The following EPB41L1 variants were observed in gnomAD, a reference collection of about 807,000 sequenced individuals.
EPB41L1 encodes the protein erythrocyte membrane protein band 4.1 like 1, also known as band 4.1-like protein 1.
EPB41L1 carries 29 observed loss-of-function variants against 97.8 expected under a neutral mutation model. The ratio of observed to expected loss-of-function variants is 0.30; its 90% confidence interval spans 0.22 to 0.40. The LOEUF (loss-of-function observed/expected upper bound fraction) is 0.40, where lower values mean the gene tolerates loss of function less well. Ranked by LOEUF, EPB41L1 falls within the 10% of genes least tolerant of loss-of-function variation. The pLI, the probability that EPB41L1 is intolerant of heterozygous loss-of-function variation, is 1.00. For missense variants in EPB41L1, 812 were observed against 1,162.3 expected, an observed-to-expected ratio of 0.70 and a Z score of 4.38; for synonymous variants, 383 against 459.2, an observed-to-expected ratio of 0.83 and a Z score of 2.12.
chr20:36,229,286 CCCCCACT>C, intron 21 of EPB41L1, 39 bp from the exon 22 acceptor site: 5 of 1,193,504 alleles, frequency 4.2e-6, no homozygotes, highest in Non-Finnish European at 6.1e-6. Flanking sequence ...CCTTCCTTTC[CCCCCACT>C]CCCCACCCCC....
intron 5 of EPB41L1, 111 bp downstream of exon 5, chr20:36,178,783 G>A (rs1018447766): frequency 1.8e-5 from 21 of 1,198,786 alleles, no homozygotes; most frequent in South Asian, 2.4e-5. Context: ...CAGGCCAGGC[G>A]TTGTGGCTCA....
In EPB41L1 at chr20:36,190,906, A is replaced by T. The variant is rs2061919720; in HGVS notation, c.1300+109A>T. On this transcript the variant is annotated intron_variant, in intron 11 of 21. Coordinates refer to ENST00000338074, the MANE Select transcript of EPB41L1 (RefSeq NM_012156.2). This position sits in a 1 kb window ranked among gnomAD's most constrained non-coding sequence, Gnocchi z 5.8. ...GCAGGAAAATGGTAGATGCATCCCA[A>T]GTTCATCTGCACCAGGCTGGCCCCT... 1 of 1,437,246 alleles carries T rather than the reference A, an allele frequency of 7.0e-7. No homozygotes were observed. The highest frequency in any genetic ancestry group is 9.5e-7 in the Non-Finnish European group (1 of 1,053,532). 89.0% of individuals were successfully genotyped at this position (1,437,246 alleles called of 1,614,324 possible).
intron 2 of EPB41L1, among the ~76,000 whole-genome samples, chr20:36,143,702 ATGTGTGTGTGTGAGTGTGACTT>A (rs891808828): frequency 6.6e-6 from 1 of 150,460 alleles, no homozygotes; most frequent in African/African-American, 2.4e-5. Flanking sequence ...AAAGGTAGGT[ATGTGTGTGTGTGAGTGTGACTT>A]TGTGTGTGTG....
In EPB41L1 at chr20:36,093,781, G is replaced by C. The variant is rs2057740873; in HGVS notation, c.-65+2169G>C. On this transcript the variant is annotated intron_variant, in intron 1 of 19. Transcript: ENST00000202028. The surrounding 1 kb of genome is among the most constrained non-coding windows in gnomAD (Gnocchi z 5.4). ...TGGTGGTAGCAACAGCAGTTTCCAGGCTGGTGACCAGCCGGTTCAGGGATT... is the reference window on the plus strand; with the variant it reads ...TGGTGGTAGCAACAGCAGTTTCCAGCCTGGTGACCAGCCGGTTCAGGGATT... Among the ~76,000 whole-genome samples, 1 of 152,088 alleles carries C rather than the reference G, an allele frequency of 6.6e-6. No homozygotes were observed. Among genetic ancestry groups the C allele is most frequent in the South Asian group, 2.1e-4 (1 of 4,830 alleles).
chr20:36,222,048 C>A, intron 20 of EPB41L1, 104 bp downstream of exon 20: 1 of 1,257,408 alleles, frequency 8.0e-7, no homozygotes, highest in Non-Finnish European at 1.2e-6. Flanking sequence ...GAGAAGGTGT[C>A]CACTTCTTGC....
intron 17 of EPB41L1, among the ~76,000 whole-genome samples, chr20:36,216,464 C>A (rs1050652006): frequency 6.6e-6 from 1 of 152,214 alleles, no homozygotes; most frequent in African/African-American, 2.4e-5. Context: ...ATACCAAGTT[C>A]AAACTTCTGT....
At chr20:36,201,317 A>G (rs1368577161) in intron 14 of EPB41L1, among the ~76,000 whole-genome samples, 3 of 152,150 alleles carry the variant, frequency 2.0e-5, no homozygotes, top group Non-Finnish European at 4.4e-5. Context: ...GTGACTCTAG[A>G]GGCAGGCCCT....
intron 14 of EPB41L1, among the ~76,000 whole-genome samples, chr20:36,198,509 A>G (rs1311649211): frequency 6.6e-6 from 1 of 152,162 alleles, no homozygotes; most frequent in Admixed American, 6.5e-5. Flanking sequence ...CGGATCGGGG[A>G]GTGGTCCCTC....
chr20:36,119,077 TG>T (rs553947165), intron 2 of EPB41L1, among the ~76,000 whole-genome samples: 10 of 152,362 alleles, frequency 6.6e-5, no homozygotes, highest in African/African-American at 2.4e-4. Context: ...CTGATATCAA[TG>T]TGACAAGACC....
intron 1 of EPB41L1, among the ~76,000 whole-genome samples, chr20:36,096,860 G>A (rs2057847628): frequency 1.3e-5 from 2 of 152,386 alleles, no homozygotes; most frequent in African/African-American, 2.4e-5. Context: ...TAAAATGGCA[G>A]ATGGCACTAA....
intron 21 of EPB41L1, among the ~76,000 whole-genome samples, chr20:36,224,411 G>A (rs2063983596): frequency 6.6e-6 from 1 of 152,156 alleles, no homozygotes. Flanking sequence ...ACTTTAGGAG[G>A]CCAAAGCAAG....
rs541296630 is a variant in EPB41L1, at chr20:36,107,515, G to C, written c.-64-4911G>C. Reference sequence around the variant, plus strand: ...ATTACAGGTGTGAGCCACCGTGCCCGGCTTTTTTTTTTTTTTTTTAAATCA... The same window carrying C: ...ATTACAGGTGTGAGCCACCGTGCCCCGCTTTTTTTTTTTTTTTTTAAATCA... On this transcript the variant is annotated intron_variant, in intron 1 of 19. Transcript: ENST00000202028. Among the ~76,000 whole-genome samples, 15 of 145,786 alleles carry C rather than the reference G, an allele frequency of 1.0e-4. No individual in the cohort carries two copies. The East Asian group carries it at 2.8e-3, about 28-fold the overall frequency.
At chr20:36,096,170 A>C (rs1022445774) in intron 1 of EPB41L1, among the ~76,000 whole-genome samples, 3 of 152,162 alleles carry the variant, frequency 2.0e-5, no homozygotes, top group Non-Finnish European at 2.9e-5. Flanking sequence ...AGAGGTGGAG[A>C]CAGGGAGCCA....
chr20:36,131,454 T>G (rs1371120545), intron 2 of EPB41L1, among the ~76,000 whole-genome samples: 1 of 151,928 alleles, frequency 6.6e-6, no homozygotes, highest in East Asian at 1.9e-4. Flanking sequence ...TCCTTGTGTG[T>G]AGGGACTGCT....
chr20:36,209,746 C>A lies in EPB41L1; in HGVS notation c.1927C>A (p.Leu643Ile). The A allele has an allele frequency of 6.2e-7, 1 of 1,614,148 alleles. No individual in the cohort carries two copies. Among genetic ancestry groups the A allele is most frequent in the Admixed American group, 1.7e-5 (1 of 60,028 alleles). The change falls in exon 15 of 22, where the codon CTC becomes ATC. Residue 643 changes from leucine (L) to isoleucine (I), a missense_variant. Transcript: ENST00000338074. This position sits in a 1 kb window ranked among gnomAD's most constrained non-coding sequence, Gnocchi z 4.2. ...AGACTTCTCCCGCAGCCTGCCTGAG[C>A]TCGACCGGGACAAAAGCGACTCGGA... ...FEDFSRSLPELDRDKSDSDTE... is the reference protein window; with the variant it reads ...FEDFSRSLPEIDRDKSDSDTE...
chr20:36,099,664 A>G (rs1302520806), intron 1 of EPB41L1, among the ~76,000 whole-genome samples: 1 of 152,138 alleles, frequency 6.6e-6, no homozygotes, highest in African/African-American at 2.4e-5. Context: ...AGGACCTTAG[A>G]GATGGTCCTT....
Position 36,207,585 on chromosome 20 carries a change from C to A in EPB41L1, c.1669-1903C>A, listed in dbSNP as rs878942257. ...AGCAGCAGCGGAGTACGCTCTCAGA[C>A]CTGGGCTTCGCCCAACTCCAGCCCC... On this transcript the variant is annotated intron_variant, in intron 14 of 21. Transcript: ENST00000338074. The surrounding 1 kb of genome is among the most constrained non-coding windows in gnomAD (Gnocchi z 4.9). The A allele has an allele frequency of 2.3e-6, 3 of 1,289,966 alleles. No individual in the cohort carries two copies. In the South Asian group the frequency reaches 3.7e-5, roughly 16 times the overall value. 79.9% of individuals were successfully genotyped at this position (1,289,966 alleles called of 1,614,324 possible). A position where few individuals can be genotyped will look rare whatever the true frequency, so the allele number is the denominator to read the frequency against.
chr20:36,156,120 C>G (rs1373204145), intron 1 of EPB41L1, among the ~76,000 whole-genome samples: 1 of 152,210 alleles, frequency 6.6e-6, no homozygotes, highest in East Asian at 1.9e-4. Flanking sequence ...GCCAGCCTCC[C>G]CTATGAGCCA....
chr20:36,208,880 G>T (rs564314585), intron 14 of EPB41L1, among the ~76,000 whole-genome samples: 1 of 152,124 alleles, frequency 6.6e-6, no homozygotes, highest in African/African-American at 2.4e-5. Flanking sequence ...TGGAGCTGGC[G>T]TAGCACTCAG....
Sources: allele counts gnomAD v4.1 joint callset (sites outside exome capture counted in the v4.1 genomes callset), GRCh38; gene constraint gnomAD v4.1.1; non-coding constraint Gnocchi (gnomAD v3.1); transcripts MANE v1.5; gene names NCBI Gene and HGNC (gene_info 2026-07-23, HGNC 2026-07-21).